MAP4K4: variants seen among roughly 807,000 people sequenced by gnomAD.
MAP4K4 encodes the protein mitogen-activated protein kinase kinase kinase kinase 4.
MAP4K4 carries 38 observed loss-of-function variants against 189.6 expected under a neutral mutation model. The observed-to-expected ratio is 0.20, with a 90% confidence interval of 0.15 to 0.26. The LOEUF is 0.26. Ranked by LOEUF, MAP4K4 falls within the 10% of genes least tolerant of loss-of-function variation. The pLI is 1.00. For missense variants in MAP4K4, 1,054 were observed against 1,726.9 expected, an observed-to-expected ratio of 0.61 and a Z score of 6.91; for synonymous variants, 610 against 624.3, an observed-to-expected ratio of 0.98 and a Z score of 0.34.
At chr2:101,698,591 G>T (rs537776902) in intron 2 of MAP4K4, 53 bp downstream of exon 2, 3 of 1,551,570 alleles carry the variant, frequency 1.9e-6, no homozygotes, top group South Asian at 2.2e-5. Context: ...CTTCTTATTG[G>T]GGGACGAGGA....
chr2:101,781,907 A>G (rs944589526), intron 2 of MAP4K4, among the ~76,000 whole-genome samples: 16 of 152,190 alleles, frequency 1.1e-4, no homozygotes, highest in African/African-American at 7.2e-5. Flanking sequence ...CCCACCTGCC[A>G]TCTGTCCTAG....
At chr2:101,713,077 G>T (rs1034343965) in intron 2 of MAP4K4, among the ~76,000 whole-genome samples, 3 of 149,366 alleles carry the variant, frequency 2.0e-5, no homozygotes, top group African/African-American at 7.4e-5. Flanking sequence ...GCTAATTTTT[G>T]TATTTTTAGT....
intron 2 of MAP4K4, among the ~76,000 whole-genome samples, chr2:101,716,268 G>C (rs6543090): frequency 0.75 from 114,507 of 151,954 alleles, 43,602 homozygotes; most frequent in African/African-American, 0.88. Context: ...ACGGTGAAAC[G>C]CCGTCTCTAC....
At chr2:101,766,402 T>C (rs1257049269) in intron 2 of MAP4K4, among the ~76,000 whole-genome samples, 1 of 152,176 alleles carries the variant, frequency 6.6e-6, no homozygotes. Context: ...TTATCATAAA[T>C]GTCTTATAGG....
At chr2:101,741,046 G>T (rs2062523527) in intron 2 of MAP4K4, among the ~76,000 whole-genome samples, 1 of 152,114 alleles carries the variant, frequency 6.6e-6, no homozygotes, top group African/African-American at 2.4e-5. Context: ...TTAAAAAGTG[G>T]ATCTGAGAAT....
intron 2 of MAP4K4, among the ~76,000 whole-genome samples, chr2:101,717,048 A>G (rs984587162): frequency 1.3e-5 from 2 of 152,220 alleles, no homozygotes; most frequent in Non-Finnish European, 2.9e-5. Flanking sequence ...ATGCCCTGTT[A>G]CAGCTGAGAG....
At chr2:101,737,545 C>G (rs902269541) in intron 2 of MAP4K4, among the ~76,000 whole-genome samples, 1 of 130,496 alleles carries the variant, frequency 7.7e-6, no homozygotes, top group Non-Finnish European at 1.5e-5. Flanking sequence ...GGAAATGTTA[C>G]GTATTAATAT....
At chr2:101,785,686 C>CTTTTCCTTTTTTGAGTTGGAG (rs1558913231) in intron 2 of MAP4K4, among the ~76,000 whole-genome samples, 39 of 1,420 alleles carry the variant, frequency 0.027, no homozygotes, top group South Asian at 0.12. Flanking sequence ...CCCTCTCTCT[C>CTTTTCCTTTTTTGAGTTGGAG]TCTCTCTCTC....
intron 2 of MAP4K4, among the ~76,000 whole-genome samples, chr2:101,699,815 T>G (rs2037229636): frequency 6.6e-6 from 1 of 152,206 alleles, no homozygotes; most frequent in Non-Finnish European, 1.5e-5. Flanking sequence ...GCTTGTGTTT[T>G]GTTGGTTAAC....
intron 3 of MAP4K4, among the ~76,000 whole-genome samples, chr2:101,797,889 G>GTGTTTTTTTGTTTTTTTTT (rs1553478618): frequency 9.6e-5 from 5 of 52,304 alleles, no homozygotes; most frequent in Admixed American, 3.2e-4. Context: ...CATTCTTTTA[G>GTGTTTTTTTGTTTTTTTTT]TTTTTTTTTT....
chr2:101,869,865 AGT>A, intron 22 of MAP4K4, 68 bp downstream of exon 22: 4 of 1,460,372 alleles, frequency 2.7e-6, no homozygotes, highest in Non-Finnish European at 3.6e-6. Flanking sequence ...ACTGGGACCT[AGT>A]TGTTCCTAGA....
intron 3 of MAP4K4, among the ~76,000 whole-genome samples, chr2:101,797,931 G>A (rs933282795): frequency 3.6e-5 from 3 of 83,304 alleles, no homozygotes; most frequent in African/African-American, 1.5e-4. Flanking sequence ...GTCTTACTCT[G>A]TTGCCCAAGC....
chr2:101,749,196 T>G (rs1484448006), intron 2 of MAP4K4, among the ~76,000 whole-genome samples: 1 of 151,184 alleles, frequency 6.6e-6, no homozygotes, highest in Non-Finnish European at 1.5e-5. Context: ...GAGCCTGCAT[T>G]GCCAAGTCAA....
intron 12 of MAP4K4, among the ~76,000 whole-genome samples, chr2:101,847,883 G>A (rs2097158298): frequency 6.6e-6 from 1 of 152,096 alleles, no homozygotes; most frequent in African/African-American, 2.4e-5. Context: ...AGCCCCTCAA[G>A]CTCTATTCAT....
chr2:101,849,249 A>G (rs529134319), intron 12 of MAP4K4, among the ~76,000 whole-genome samples: 252 of 152,048 alleles, frequency 1.7e-3, no homozygotes, highest in Non-Finnish European at 3.2e-3. Context: ...CTACCTCTCT[A>G]GTAGCTGGGT....
intron 26 of MAP4K4, among the ~76,000 whole-genome samples, chr2:101,874,581 A>G (rs192265042): frequency 1.3e-5 from 2 of 152,342 alleles, no homozygotes; most frequent in Admixed American, 1.3e-4. Flanking sequence ...TATACTCAAT[A>G]GTGTACATTG....
At chr2:101,797,888 A>ATTTTTTTTTTTTT (rs1558971586) in intron 3 of MAP4K4, among the ~76,000 whole-genome samples, 1 of 7,618 alleles carries the variant, frequency 1.3e-4, no homozygotes, top group Non-Finnish European at 2.3e-4. Context: ...ACATTCTTTT[A>ATTTTTTTTTTTTT]GTTTTTTTTT....
intron 2 of MAP4K4, among the ~76,000 whole-genome samples, chr2:101,707,219 T>G (rs1427846252): frequency 6.6e-6 from 1 of 150,864 alleles, no homozygotes; most frequent in Non-Finnish European, 1.5e-5. Context: ...TATCTTTTTT[T>G]TTTTTTTTTT....
At chr2:101,829,304 G>A (rs1025904590) in intron 5 of MAP4K4, among the ~76,000 whole-genome samples, 200 bp from the exon 6 acceptor site, 1 of 152,222 alleles carries the variant, frequency 6.6e-6, no homozygotes, top group African/African-American at 2.4e-5. Flanking sequence ...CACTGGGAAT[G>A]TGGAGGGTGG....
Sources: allele counts gnomAD v4.1 joint callset (sites outside exome capture counted in the v4.1 genomes callset), GRCh38; gene constraint gnomAD v4.1.1; transcripts MANE v1.5; gene names NCBI Gene and HGNC (gene_info 2026-07-23, HGNC 2026-07-21).